The following NEK4 variants were observed in gnomAD, a reference collection of about 807,000 sequenced individuals.
NEK4 encodes the protein serine/threonine-protein kinase Nek4.
In NEK4, 86 loss-of-function variants were observed where a neutral mutation model predicts 98.4. The ratio of observed to expected loss-of-function variants is 0.87; its 90% CI spans 0.73 to 1.05. The LOEUF (loss-of-function observed/expected upper bound fraction) is 1.05, where lower values mean the gene tolerates loss of function less well. Among genes scored for constraint, NEK4 ranks in the 50% least tolerant of loss-of-function variants. The pLI, the probability that NEK4 is intolerant of heterozygous loss-of-function variation, is 0.00. For missense variants in NEK4, 898 were observed against 950.3 expected, an observed-to-expected ratio of 0.94 and a Z score of 0.72; for synonymous variants, 328 against 342.2, an observed-to-expected ratio of 0.96 and a Z score of 0.46.
chr3:52,719,475 C>T (rs899662386), intron 15 of NEK4, among the ~76,000 whole-genome samples: 5 of 151,352 alleles, frequency 3.3e-5, no homozygotes, highest in African/African-American at 7.3e-5. Flanking sequence ...CCCAGTTACT[C>T]GGAAGGCTGA....
intron 6 of NEK4, among the ~76,000 whole-genome samples, chr3:52,755,535 A>G (rs1358183652): frequency 6.6e-6 from 1 of 152,144 alleles, no homozygotes. Flanking sequence ...AGAAAAAAAA[A>G]TTCATAACAT....
intron 1 of NEK4, 37 bp downstream of exon 1, chr3:52,770,617 C>A: frequency 1.4e-6 from 2 of 1,444,398 alleles, no homozygotes; most frequent in Non-Finnish European, 1.9e-6. Flanking sequence ...GCACTTCTGC[C>A]CGCCCCCGCC....
Position 52,739,595 on chromosome 3 carries a change from C to A in NEK4, c.2133G>T (p.Leu711Phe). ...QTNEINALVQ[L>F]MTQTLKLDSK... The stretch of plus-strand genomic sequence containing the variant: ...AATCCAGTTTCAGGGTCTGAGTCAT[C>A]AATTGTACCAAGGCATTAATTTCAT... The change falls in exon 14 of 16, where the codon TTG becomes TTT. Residue 711 changes from leucine to phenylalanine, a missense_variant. Physicochemically the swap from Leu to Phe is conservative, Grantham distance 22. Coordinates refer to ENST00000233027, the MANE Select transcript of NEK4 (RefSeq NM_003157.6). 6.2e-7 allele frequency: 1 copy of A among 1,614,080 alleles called. No homozygotes were observed. Among genetic ancestry groups the A allele is most frequent in the East Asian group, 2.2e-5 (1 of 44,876 alleles).
At chr3:52,718,472 CAAAA>C (rs35974184) in intron 15 of NEK4, among the ~76,000 whole-genome samples, 8 of 92,414 alleles carry the variant, frequency 8.7e-5, no homozygotes, top group African/African-American at 4.0e-5. Context: ...GACTCCGTCT[CAAAA>C]AAAAAAAAAA....
Position 52,739,497 on chromosome 3 carries a change from T to C in NEK4, c.2231A>G (p.Asp744Gly). 1 of 1,614,198 alleles carries C rather than the reference T, an allele frequency of 6.2e-7. No individual in the cohort carries two copies. Among genetic ancestry groups the C allele is most frequent in the African/African-American group, 1.3e-5 (1 of 75,058 alleles). Residue 744 changes from aspartate to glycine, a missense_variant, in exon 14 of 16, where the codon GAC (aspartate) becomes GGC (glycine). Asp to Gly is a moderately conservative substitution (Grantham distance 94). Coordinates refer to ENST00000233027, the MANE Select transcript of NEK4 (RefSeq NM_003157.6). Reference sequence around the variant, plus strand: ...AACCTTCCCATGAAGTATCAGTGTGTCCCGATATTTCCGATGAAGTTTGAA... The same window carrying C: ...AACCTTCCCATGAAGTATCAGTGTGCCCCGATATTTCCGATGAAGTTTGAA... ...SEFKLHRKYR[D>G]TLILHGKVAE...
intron 15 of NEK4, among the ~76,000 whole-genome samples, chr3:52,730,863 G>C (rs539679952): frequency 1.3e-5 from 2 of 152,138 alleles, no homozygotes; most frequent in African/African-American, 2.4e-5. Flanking sequence ...TAGATGGGTG[G>C]TTGCCAGGGG....
At chr3:52,744,032 C>T (rs1335036221) in intron 11 of NEK4, among the ~76,000 whole-genome samples, 1 of 152,160 alleles carries the variant, frequency 6.6e-6, no homozygotes, top group South Asian at 2.1e-4. Context: ...TAATATCCCC[C>T]TCCTCTGATA....
intron 2 of NEK4, 31 bp downstream of exon 2, chr3:52,768,304 GAAC>G (rs1698650521): frequency 6.4e-7 from 1 of 1,567,774 alleles, no homozygotes; most frequent in African/African-American, 1.4e-5. Flanking sequence ...TGCCATCTGG[GAAC>G]AAGCTAGGAT....
intron 15 of NEK4, 85 bp from the exon 16 acceptor site, chr3:52,711,954 A>T: frequency 1.4e-6 from 1 of 728,644 alleles, no homozygotes; most frequent in East Asian, 2.7e-5. Context: ...TTTTCTAAGC[A>T]TGGTATCCAA....
intron 15 of NEK4, among the ~76,000 whole-genome samples, chr3:52,713,600 G>C (rs1398499221): frequency 1.5e-5 from 2 of 131,576 alleles, no homozygotes; most frequent in Non-Finnish European, 3.5e-5. Context: ...TTCGAGACCA[G>C]CCTGACCAAC....
intron 4 of NEK4, among the ~76,000 whole-genome samples, chr3:52,764,152 T>C (rs1213131126): frequency 6.6e-6 from 1 of 151,632 alleles, no homozygotes; most frequent in East Asian, 1.9e-4. Context: ...CTGGGCGTGG[T>C]GGCATGCACC....
chr3:52,750,665 T>C (rs955103907), intron 7 of NEK4, among the ~76,000 whole-genome samples: 2 of 152,092 alleles, frequency 1.3e-5, no homozygotes, highest in Non-Finnish European at 2.9e-5. Context: ...CAGTGACTCA[T>C]GCCTATAATC....
intron 6 of NEK4, among the ~76,000 whole-genome samples, chr3:52,755,260 G>A (rs1017909868): frequency 3.3e-5 from 5 of 151,884 alleles, no homozygotes; most frequent in African/African-American, 4.8e-5. Context: ...CTGACGATAC[G>A]GGGAATAGAA....
At chr3:52,712,149 C>T (rs942557488) in intron 15 of NEK4, among the ~76,000 whole-genome samples, 21 of 152,250 alleles carry the variant, frequency 1.4e-4, no homozygotes, top group African/African-American at 4.6e-4. Context: ...ATCAATAAAA[C>T]CCAACAATAT....
intron 6 of NEK4, among the ~76,000 whole-genome samples, chr3:52,758,610 G>A (rs1262242451): frequency 1.3e-5 from 2 of 150,792 alleles, no homozygotes; most frequent in Non-Finnish European, 3.0e-5. Flanking sequence ...TTTGTGAAAA[G>A]GACATTATCA....
intron 4 of NEK4, 127 bp from the exon 5 acceptor site, chr3:52,763,751 A>G (rs1176045517): frequency 3.2e-6 from 2 of 621,160 alleles, no homozygotes; most frequent in Middle Eastern, 4.7e-4. Flanking sequence ...TCAGTATATT[A>G]GTCTACAGGA....
intron 6 of NEK4, chr3:52,753,807 T>C (rs2097409762): frequency 2.1e-6 from 1 of 481,648 alleles, no homozygotes; most frequent in Non-Finnish European, 4.2e-6. Flanking sequence ...GGTGTCTATG[T>C]GCAGCCATCT....
At chr3:52,765,163 C>T (rs939286234) in intron 4 of NEK4, among the ~76,000 whole-genome samples, 2 of 151,902 alleles carry the variant, frequency 1.3e-5, no homozygotes, top group African/African-American at 4.8e-5. Flanking sequence ...CCATCCTGGC[C>T]AACATGGTGA....
In NEK4 at chr3:52,737,628, C is replaced by T; in HGVS notation, c.2391G>A (p.Gln797=). ...CCTCCTCCTCCAAAAGATCATACAC[C>T]TGCTCTAAAAGCTGAACTCCCAGGC... ...IRGLGVQLLE[Q]VYDLLEEEDE... Residue 797 remains glutamine (Q), a synonymous_variant, in exon 15 of 16, where the codon CAG becomes CAA. Transcript: ENST00000233027. 1 of 1,613,870 alleles carries T rather than the reference C, an allele frequency of 6.2e-7. No individual in the cohort carries two copies. The highest frequency in any genetic ancestry group is 8.5e-7 in the Non-Finnish European group (1 of 1,179,794).
Sources: allele counts gnomAD v4.1 joint callset (sites outside exome capture counted in the v4.1 genomes callset), GRCh38; gene constraint gnomAD v4.1.1; transcripts MANE v1.5; gene names NCBI Gene and HGNC (gene_info 2026-07-23, HGNC 2026-07-21).